Variants in DACH2 observed in about 807,000 individuals in gnomAD.
The protein encoded by DACH2 is dachshund homolog 2.
Under a neutral mutation model 35.8 loss-of-function variants are expected in DACH2, and 17 were observed. The ratio of observed to expected loss-of-function variants is 0.48; its 90% CI spans 0.33 to 0.71. The LOEUF (loss-of-function observed/expected upper bound fraction) is 0.71. Ranked by LOEUF, DACH2 falls within the 30% of genes least tolerant of loss-of-function variation. The pLI, the probability that DACH2 is intolerant of heterozygous loss-of-function variation, is 0.02. For synonymous variants in DACH2, 195 were observed against 177.3 expected (o/e 1.10, Z -0.79); for missense variants, 469 against 472.7 (o/e 0.99, Z 0.07).
intron 3 of DACH2, among the ~76,000 whole-genome samples, chrX:86,627,706 A>G (rs2040154174): frequency 8.9e-6 from 1 of 111,961 alleles, no homozygotes; most frequent in Non-Finnish European, 1.9e-5. Context: ...ATCTATATTT[A>G]ATTTTATGTA....
intron 7 of DACH2, among the ~76,000 whole-genome samples, chrX:86,740,317 A>G (rs895304818): frequency 5.4e-5 from 6 of 110,447 alleles, no homozygotes; most frequent in East Asian, 2.9e-4. Flanking sequence ...ATTTAACAGG[A>G]TTTCACCTAC....
chrX:86,237,020 T>A (rs924548190), intron 1 of DACH2, among the ~76,000 whole-genome samples: 1 of 112,693 alleles, frequency 8.9e-6, no homozygotes, highest in African/African-American at 3.2e-5. Context: ...TCTTTCTTTA[T>A]ATATTTATTC....
chrX:86,188,151 A>ATTGT (rs2031734722), intron 1 of DACH2, among the ~76,000 whole-genome samples: 1 of 112,216 alleles, frequency 8.9e-6, no homozygotes, highest in Non-Finnish European at 1.9e-5. Context: ...CAATTGCCAA[A>ATTGT]TAACAATTCC....
chrX:86,674,178 C>T (rs1183557602), intron 4 of DACH2, among the ~76,000 whole-genome samples: 2 of 112,030 alleles, frequency 1.8e-5, no homozygotes, highest in Non-Finnish European at 3.8e-5. Context: ...TGGTTAGTGT[C>T]AAAATTTATT....
intron 7 of DACH2, among the ~76,000 whole-genome samples, chrX:86,751,670 A>T (rs150384214): frequency 1.8e-5 from 2 of 111,286 alleles, no homozygotes; most frequent in African/African-American, 6.5e-5. Flanking sequence ...GGTGAAGCAC[A>T]CAAAAAACAA....
intron 2 of DACH2, among the ~76,000 whole-genome samples, chrX:86,391,411 T>A (rs1457884696): frequency 9.3e-6 from 1 of 107,732 alleles, no homozygotes. Flanking sequence ...GGAATTGTAC[T>A]ATAATTTATA....
At chrX:86,756,739 T>C (rs1293526487) in intron 7 of DACH2, among the ~76,000 whole-genome samples, 1 of 111,207 alleles carries the variant, frequency 9.0e-6, no homozygotes, top group African/African-American at 3.3e-5. Context: ...TTCTTTTATG[T>C]AATTGCTCTG....
intron 1 of DACH2, among the ~76,000 whole-genome samples, chrX:86,367,591 T>A (rs2035824311): frequency 9.0e-6 from 1 of 111,115 alleles, no homozygotes; most frequent in Non-Finnish European, 1.9e-5. Context: ...AGAGATCAAC[T>A]CATTCAACCT....
intron 7 of DACH2, among the ~76,000 whole-genome samples, chrX:86,752,933 TAA>T (rs945625951): frequency 9.0e-6 from 1 of 111,336 alleles, no homozygotes; most frequent in African/African-American, 3.3e-5. Context: ...TAAATATGAC[TAA>T]GAGATTATTA....
chrX:86,283,025 G>T (rs1459173581), intron 1 of DACH2, among the ~76,000 whole-genome samples: 1 of 35,014 alleles, frequency 2.9e-5, no homozygotes, highest in East Asian at 1.1e-3. Flanking sequence ...TGATCCGCCC[G>T]CCTCGGCCTC....
intron 1 of DACH2, among the ~76,000 whole-genome samples, chrX:86,275,940 CTTTA>C (rs770361571): frequency 7.3e-4 from 82 of 112,258 alleles, no homozygotes; most frequent in African/African-American, 2.5e-3. Context: ...ACCACATTTT[CTTTA>C]TTCATTCATC....
chrX:86,670,892 C>A (rs952502685), intron 4 of DACH2, among the ~76,000 whole-genome samples: 2 of 111,823 alleles, frequency 1.8e-5, no homozygotes, highest in Non-Finnish European at 3.8e-5. Flanking sequence ...TTTTAATTTA[C>A]CCCTTAGTGA....
At chrX:86,513,569 C>G (rs1321193207) in intron 2 of DACH2, among the ~76,000 whole-genome samples, 1 of 111,869 alleles carries the variant, frequency 8.9e-6, no homozygotes, top group Admixed American at 9.5e-5. Flanking sequence ...GAAGAATGTA[C>G]AAATGCAATG....
intron 1 of DACH2, among the ~76,000 whole-genome samples, chrX:86,183,975 A>C (rs1299502315): frequency 9.0e-6 from 1 of 111,379 alleles, no homozygotes; most frequent in African/African-American, 3.3e-5. Context: ...AGGTGTTTAT[A>C]ATAGTCTCTG....
chrX:86,178,904 A>G (rs7879543), intron 1 of DACH2, among the ~76,000 whole-genome samples: 7,947 of 111,822 alleles, frequency 0.071, 690 homozygotes, highest in African/African-American at 0.24. Context: ...GCAGAATAAA[A>G]TGAAACAGTT....
chrX:86,595,295 T>G (rs913600294), intron 3 of DACH2, among the ~76,000 whole-genome samples: 1 of 110,584 alleles, frequency 9.0e-6, no homozygotes, highest in African/African-American at 3.3e-5. Flanking sequence ...AAATTTTTTG[T>G]GGAGACTGAG....
intron 1 of DACH2, among the ~76,000 whole-genome samples, chrX:86,162,905 T>C (rs1347652715): frequency 2.7e-5 from 3 of 111,018 alleles, no homozygotes; most frequent in Non-Finnish European, 5.7e-5. Flanking sequence ...AAGTTATTTT[T>C]TAAAATTTTT....
intron 2 of DACH2, among the ~76,000 whole-genome samples, chrX:86,381,865 C>T (rs761930934): frequency 9.9e-5 from 11 of 110,590 alleles, no homozygotes; most frequent in African/African-American, 3.6e-4. Flanking sequence ...GAAGATGTGA[C>T]ACATGATTTC....
At chrX:86,456,493 C>T (rs182295715) in intron 2 of DACH2, among the ~76,000 whole-genome samples, 1 of 111,442 alleles carries the variant, frequency 9.0e-6, no homozygotes. Context: ...ATTCCTAATT[C>T]CTTCTTTCTA....
Sources: allele counts gnomAD v4.1 joint callset (sites outside exome capture counted in the v4.1 genomes callset), GRCh38; gene constraint gnomAD v4.1.1; transcripts MANE v1.5; gene names NCBI Gene and HGNC (gene_info 2026-07-23, HGNC 2026-07-21).